Variants in CYS1 observed in about 807,000 individuals in gnomAD.
CYS1 encodes the protein cystin 1, also known as cystin-1.
Under a neutral mutation model 9.6 loss-of-function variants are expected in CYS1, and 5 were observed. That is an observed-to-expected ratio of 0.52 (90% CI 0.27 to 1.10). The LOEUF (loss-of-function observed/expected upper bound fraction) is 1.10, where lower values mean the gene tolerates loss of function less well. Among genes scored for constraint, CYS1 ranks in the 50% least tolerant of loss-of-function variants. CYS1 has a pLI of 0.11. For synonymous variants in CYS1, 88 were observed against 95.7 expected (o/e 0.92, Z 0.47); for missense variants, 221 against 207.9 (o/e 1.06, Z -0.39).
chr2:10,077,780 G>A (rs1416531603), intron 1 of CYS1, among the ~76,000 whole-genome samples: 4 of 152,160 alleles, frequency 2.6e-5, no homozygotes, highest in African/African-American at 9.7e-5. Flanking sequence ...GTGATTCTAG[G>A]ATTCATTTAT....
chr2:10,067,581 A>AT (rs767186517), intron 1 of CYS1, among the ~76,000 whole-genome samples: 89 of 150,860 alleles, frequency 5.9e-4, no homozygotes, highest in Admixed American at 1.5e-3. Flanking sequence ...CTAATTTTTC[A>AT]TTTTTTGTAG....
chr2:10,072,439 T>C (rs552464749), intron 1 of CYS1, among the ~76,000 whole-genome samples: 64 of 152,364 alleles, frequency 4.2e-4, no homozygotes, highest in African/African-American at 1.5e-3. Flanking sequence ...AAATAAAATA[T>C]ACAGTGGATT....
chr2:10,074,230 C>T lies in CYS1; in HGVS notation c.318+5676G>A, dbSNP rs139006110. On this transcript the variant is annotated intron_variant, in intron 1 of 2. Coordinates refer to ENST00000381813, the MANE Select transcript of CYS1 (RefSeq NM_001037160.3). ...GTTGACAGGAATTTCGGACAGCCCACGGAAATTATCCACCTAGGACTCAAA... is the reference window on the plus strand; with the variant it reads ...GTTGACAGGAATTTCGGACAGCCCATGGAAATTATCCACCTAGGACTCAAA... Among the ~76,000 whole-genome samples, 1,310 of 152,296 alleles carry T rather than the reference C, an allele frequency of 8.6e-3. 10 individuals carry two copies. The highest frequency in any genetic ancestry group is 0.015 in the Admixed American group (234 of 15,286).
chr2:10,061,984 TTCCATCAGCAGGGACTCCTAAAGTCA>T (rs1327674883), intron 2 of CYS1, among the ~76,000 whole-genome samples: 1 of 151,992 alleles, frequency 6.6e-6, no homozygotes, highest in Non-Finnish European at 1.5e-5. Flanking sequence ...CTGTCAGGTT[TTCCATCAGCAGGGACTCCTAAAGTCA>T]TGCTTTTTTT....
intron 1 of CYS1, among the ~76,000 whole-genome samples, chr2:10,069,660 C>A (rs908619412): frequency 2.0e-5 from 3 of 152,164 alleles, no homozygotes; most frequent in Middle Eastern, 6.8e-3. Context: ...AGCCACTGCG[C>A]CTGGCCGAAA....
At chr2:10,079,438 T>C (rs1005119598) in intron 1 of CYS1, among the ~76,000 whole-genome samples, 1 of 152,168 alleles carries the variant, frequency 6.6e-6, no homozygotes, top group Non-Finnish European at 1.5e-5. Flanking sequence ...GGAGAGAGAA[T>C]AGGAAGCGCA....
At chr2:10,074,223 C>A (rs770234775) in intron 1 of CYS1, among the ~76,000 whole-genome samples, 1 of 152,228 alleles carries the variant, frequency 6.6e-6, no homozygotes, top group Admixed American at 6.5e-5. Context: ...GAATTTCGGA[C>A]AGCCCACGGA....
intron 2 of CYS1, among the ~76,000 whole-genome samples, chr2:10,061,501 G>A (rs918764367): frequency 1.3e-5 from 2 of 152,228 alleles, no homozygotes; most frequent in African/African-American, 4.8e-5. Context: ...AGCCCCTCTG[G>A]GCTCACCAGG....
intron 1 of CYS1, among the ~76,000 whole-genome samples, chr2:10,068,510 T>G (rs1402121679): frequency 2.0e-5 from 3 of 152,232 alleles, no homozygotes; most frequent in Admixed American, 6.5e-5. Flanking sequence ...CCACTTCAAA[T>G]TAAATCTATA....
intron 1 of CYS1, among the ~76,000 whole-genome samples, chr2:10,071,002 T>C (rs1260461085): frequency 6.6e-6 from 1 of 152,008 alleles, no homozygotes; most frequent in Non-Finnish European, 1.5e-5. Flanking sequence ...AGTCTCGCTC[T>C]GTCATCCAGG....
chr2:10,076,393 A>G lies in CYS1; in HGVS notation c.318+3513T>C, dbSNP rs980228969. On this transcript the variant is annotated intron_variant, in intron 1 of 2. Coordinates refer to ENST00000381813, the MANE Select transcript of CYS1 (RefSeq NM_001037160.3). This position sits in a 1 kb window ranked among gnomAD's most constrained non-coding sequence, Gnocchi z 4.3. ...TCCACTACTGCTGCGCTGTAAAAAG[A>G]GCCTTCCTACAAGAGCTGACTGCAC... Among the ~76,000 whole-genome samples, 1 of 152,030 alleles carries G rather than the reference A, an allele frequency of 6.6e-6. No homozygotes were observed. The highest frequency in any genetic ancestry group is 6.6e-5 in the Admixed American group (1 of 15,256).
intron 1 of CYS1, among the ~76,000 whole-genome samples, chr2:10,077,644 G>A (rs1661868677): frequency 6.6e-6 from 1 of 152,128 alleles, no homozygotes; most frequent in African/African-American, 2.4e-5. Context: ...GGCCAACATG[G>A]TGAAACCCTG....
intron 1 of CYS1, among the ~76,000 whole-genome samples, chr2:10,071,808 C>T (rs1211281237): frequency 6.6e-6 from 1 of 152,172 alleles, no homozygotes; most frequent in East Asian, 1.9e-4. Context: ...ACTGAGACAC[C>T]TGGACGGACG....
At chr2:10,070,359 T>G (rs1661749371) in intron 1 of CYS1, among the ~76,000 whole-genome samples, 1 of 152,158 alleles carries the variant, frequency 6.6e-6, no homozygotes, top group Non-Finnish European at 1.5e-5. Flanking sequence ...TTTTTCACTT[T>G]TTTTGAGATG....
At chr2:10,062,393 C>CT (rs1018002722) in intron 2 of CYS1, among the ~76,000 whole-genome samples, 2 of 151,158 alleles carry the variant, frequency 1.3e-5, no homozygotes, top group East Asian at 1.9e-4. Context: ...AGAATTTTCT[C>CT]TTTTTTTCTT....
chr2:10,060,952 C>T (rs893929122), intron 2 of CYS1, among the ~76,000 whole-genome samples: 10 of 152,062 alleles, frequency 6.6e-5, no homozygotes, highest in African/African-American at 9.7e-5. Flanking sequence ...ATGCCTGGCC[C>T]GGCGCAGTGG....
intron 1 of CYS1, 100 bp from the exon 2 acceptor site, chr2:10,066,056 AC>A: frequency 7.4e-7 from 1 of 1,343,852 alleles, no homozygotes; most frequent in Non-Finnish European, 1.1e-6. Flanking sequence ...ACCACTTTCA[AC>A]CCAGGATCCA....
At chr2:10,071,901 G>A (rs1267488889) in intron 1 of CYS1, among the ~76,000 whole-genome samples, 2 of 152,182 alleles carry the variant, frequency 1.3e-5, no homozygotes, top group African/African-American at 4.8e-5. Flanking sequence ...CTGTTTGTAT[G>A]TGTATGTTTG....
chr2:10,069,425 G>A (rs931376567), intron 1 of CYS1, among the ~76,000 whole-genome samples: 36 of 152,170 alleles, frequency 2.4e-4, no homozygotes, highest in African/African-American at 8.4e-4. Flanking sequence ...CTGGAGTGCA[G>A]TGGCACAATC....
Sources: allele counts gnomAD v4.1 joint callset (sites outside exome capture counted in the v4.1 genomes callset), GRCh38; gene constraint gnomAD v4.1.1; non-coding constraint Gnocchi (gnomAD v3.1); transcripts MANE v1.5; gene names NCBI Gene and HGNC (gene_info 2026-07-23, HGNC 2026-07-21).